Variants in LRRIQ1 observed in about 807,000 individuals in gnomAD.
LRRIQ1 encodes leucine rich repeats and IQ motif containing 1.
A neutral mutation model predicts 211.9 loss-of-function variants in LRRIQ1; 210 were observed. The observed-to-expected ratio is 0.99, with a 90% confidence interval of 0.89 to 1.11. The LOEUF is 1.11. Among genes scored for constraint, LRRIQ1 ranks in the 50% most tolerant of loss-of-function variants. LRRIQ1 has a pLI of 0.00. For missense variants in LRRIQ1, 2,136 were observed against 1,939.5 expected (o/e 1.10, Z -1.90); for synonymous variants, 699 against 650.1 (o/e 1.08, Z -1.14).
chr12:85,123,423 C>T (rs1307387805), intron 16 of LRRIQ1, among the ~76,000 whole-genome samples: 6 of 151,958 alleles, frequency 3.9e-5, no homozygotes, highest in African/African-American at 1.4e-4. Flanking sequence ...GAATAAGGCT[C>T]ATACAAGTGA....
chr12:85,120,706 A>G, intron 15 of LRRIQ1, among the ~76,000 whole-genome samples: 1 of 152,154 alleles, frequency 6.6e-6, no homozygotes, highest in Non-Finnish European at 1.5e-5. Flanking sequence ...CATCTTGGAT[A>G]TCTTTCATTA....
chr12:85,113,752 AAACTAC>A (rs2136367561), intron 15 of LRRIQ1, among the ~76,000 whole-genome samples: 1 of 152,266 alleles, frequency 6.6e-6, no homozygotes, highest in South Asian at 2.1e-4. Context: ...AGGAATTGTG[AAACTAC>A]AGTACTCAGA....
intron 24 of LRRIQ1, among the ~76,000 whole-genome samples, chr12:85,205,132 C>CT (rs1893479490): frequency 6.6e-6 from 1 of 152,158 alleles, no homozygotes; most frequent in Non-Finnish European, 1.5e-5. Flanking sequence ...CTCATTCTCT[C>CT]TTTGCCCGCT....
chr12:85,256,166 A>T (rs1230148271), intron 1 of LRRIQ1, among the ~76,000 whole-genome samples: 3 of 151,658 alleles, frequency 2.0e-5, no homozygotes, highest in African/African-American at 7.2e-5. Flanking sequence ...CGAGAAAAAG[A>T]CAAATTTCAT....
chr12:85,103,512 T>C (rs1006132169), intron 13 of LRRIQ1, among the ~76,000 whole-genome samples: 1 of 151,760 alleles, frequency 6.6e-6, no homozygotes, highest in African/African-American at 2.4e-5. Flanking sequence ...GATTAGTTAG[T>C]TCTCCTGTTG....
chr12:85,091,329 G>A (rs559921905), intron 11 of LRRIQ1, among the ~76,000 whole-genome samples: 26 of 152,160 alleles, frequency 1.7e-4, no homozygotes, highest in East Asian at 7.7e-4. Flanking sequence ...TCCTTTGCGC[G>A]TGTTTTAATG....
chr12:85,114,559 CAT>C (rs3064003), intron 15 of LRRIQ1, among the ~76,000 whole-genome samples: 36,506 of 151,938 alleles, frequency 0.24, 5,020 homozygotes, highest in African/African-American at 0.36. Flanking sequence ...AATAAATTGA[CAT>C]ATTTTATTAC....
At chr12:85,207,688 G>A (rs992532205) in intron 24 of LRRIQ1, among the ~76,000 whole-genome samples, 1 of 152,158 alleles carries the variant, frequency 6.6e-6, no homozygotes, top group Non-Finnish European at 1.5e-5. Context: ...TCATTTTGAG[G>A]TACTATTTTG....
intron 24 of LRRIQ1, among the ~76,000 whole-genome samples, chr12:85,222,431 G>T (rs1048923450): frequency 3.3e-5 from 5 of 152,096 alleles, no homozygotes; most frequent in African/African-American, 4.8e-5. Context: ...AATGAATCCA[G>T]GGAAAACAAG....
chr12:85,076,274 T>C (rs988715724), intron 11 of LRRIQ1, among the ~76,000 whole-genome samples: 27 of 151,962 alleles, frequency 1.8e-4, no homozygotes, highest in African/African-American at 6.0e-4. Context: ...CATAGTGATA[T>C]ACATTTTCTC....
chr12:85,228,133 C>G (rs978665424), intron 24 of LRRIQ1, among the ~76,000 whole-genome samples: 2 of 152,154 alleles, frequency 1.3e-5, no homozygotes, highest in Non-Finnish European at 2.9e-5. Context: ...ATGACTAAAA[C>G]ACCAAAAGCA....
At chr12:85,115,987 A>G (rs1887542268) in intron 15 of LRRIQ1, among the ~76,000 whole-genome samples, 1 of 152,264 alleles carries the variant, frequency 6.6e-6, no homozygotes, top group South Asian at 2.1e-4. Flanking sequence ...TGTACTCTCT[A>G]AATTCAGAGT....
intron 24 of LRRIQ1, among the ~76,000 whole-genome samples, chr12:85,162,566 T>C (rs1426057412): frequency 2.0e-5 from 3 of 152,188 alleles, no homozygotes; most frequent in Admixed American, 1.3e-4. Flanking sequence ...TCTTGTTCTA[T>C]TAAATGTGAA....
intron 24 of LRRIQ1, among the ~76,000 whole-genome samples, chr12:85,193,291 G>A (rs1229685763): frequency 5.1e-5 from 6 of 117,702 alleles, no homozygotes; most frequent in African/African-American, 1.6e-4. Flanking sequence ...AGCAAGGCAG[G>A]CCAACGTTCA....
chr12:85,105,312 G>A (rs566379743), intron 14 of LRRIQ1, among the ~76,000 whole-genome samples: 1 of 152,038 alleles, frequency 6.6e-6, no homozygotes, highest in East Asian at 1.9e-4. Flanking sequence ...AGAAGCTTTT[G>A]TACTTTCAGT....
intron 10 of LRRIQ1, among the ~76,000 whole-genome samples, chr12:85,071,627 G>A (rs1156601474): frequency 1.3e-5 from 2 of 152,012 alleles, no homozygotes; most frequent in African/African-American, 4.8e-5. Flanking sequence ...TTCTCATGCT[G>A]CTGATAAAGA....
intron 23 of LRRIQ1, among the ~76,000 whole-genome samples, chr12:85,156,279 T>C (rs1206965768): frequency 1.3e-5 from 2 of 151,824 alleles, no homozygotes; most frequent in African/African-American, 4.8e-5. Context: ...AATTTAGTGA[T>C]AAGTTTTATA....
intron 1 of LRRIQ1, among the ~76,000 whole-genome samples, chr12:85,254,632 T>C (rs1198917005): frequency 6.6e-6 from 1 of 152,090 alleles, no homozygotes; most frequent in Non-Finnish European, 1.5e-5. Flanking sequence ...GCATATTAAT[T>C]TTACTTGTAC....
intron 24 of LRRIQ1, among the ~76,000 whole-genome samples, chr12:85,225,666 T>C (rs567017082): frequency 6.6e-6 from 1 of 152,244 alleles, no homozygotes; most frequent in Non-Finnish European, 1.5e-5. Context: ...GCAAGACCCA[T>C]AGAAGTAGCA....
Sources: gnomAD v4.1 joint callset for allele counts (sites outside exome capture counted in the v4.1 genomes callset) on GRCh38, gnomAD v4.1.1 for gene constraint, MANE v1.5 for transcripts, NCBI Gene and HGNC (gene_info 2026-07-23, HGNC 2026-07-21) for gene names.